Variants in CSMD3 observed in about 807,000 individuals in gnomAD.
CSMD3 encodes CUB and sushi domain-containing protein 3.
A neutral mutation model predicts 435.2 loss-of-function variants in CSMD3; 177 were observed. The ratio of observed to expected loss-of-function variants is 0.41; its 90% CI spans 0.36 to 0.46. The LOEUF (loss-of-function observed/expected upper bound fraction) is 0.46. Ranked by LOEUF, CSMD3 falls within the 20% of genes least tolerant of loss-of-function variation. The pLI, the probability that CSMD3 is intolerant of heterozygous loss-of-function variation, is 0.34. For missense variants in CSMD3, 4,265 were observed against 4,504.6 expected, an observed-to-expected ratio of 0.95 and a Z score of 1.52; for synonymous variants, 1,656 against 1,520.5, an observed-to-expected ratio of 1.09 and a Z score of -2.07.
At chr8:112,836,815 A>T (rs758610126) in intron 11 of CSMD3, among the ~76,000 whole-genome samples, 3 of 151,782 alleles carry the variant, frequency 2.0e-5, no homozygotes, top group African/African-American at 7.2e-5. Flanking sequence ...AACTGAAGAC[A>T]TTCCAATGAA....
intron 5 of CSMD3, among the ~76,000 whole-genome samples, chr8:113,060,264 G>C (rs571762656): frequency 7.0e-6 from 1 of 143,424 alleles, no homozygotes; most frequent in Non-Finnish European, 1.5e-5. Context: ...TTGTTCTTGC[G>C]ATAGTTTACT....
At chr8:113,265,662 T>C (rs1487688781) in intron 3 of CSMD3, among the ~76,000 whole-genome samples, 2 of 151,668 alleles carry the variant, frequency 1.3e-5, no homozygotes, top group Non-Finnish European at 3.0e-5. Context: ...ATATTCATTG[T>C]AAGTTTCTTT....
chr8:112,601,957 G>T (rs1832388387), intron 22 of CSMD3, among the ~76,000 whole-genome samples: 1 of 152,108 alleles, frequency 6.6e-6, no homozygotes, highest in East Asian at 1.9e-4. Flanking sequence ...CAAGTTTCAG[G>T]TTAAGCATAA....
intron 22 of CSMD3, among the ~76,000 whole-genome samples, chr8:112,623,664 C>A (rs560036553): frequency 7.6e-6 from 1 of 131,740 alleles, no homozygotes; most frequent in Non-Finnish European, 1.6e-5. Flanking sequence ...ATCCCTCCCC[C>A]CTCCCTATTT....
intron 40 of CSMD3, among the ~76,000 whole-genome samples, chr8:112,350,348 T>C (rs1440350028): frequency 6.6e-6 from 1 of 151,382 alleles, no homozygotes; most frequent in Non-Finnish European, 1.5e-5. Flanking sequence ...CCATGTGTCT[T>C]AATTAGACTT....
At chr8:112,497,158 T>G (rs1009254253) in intron 30 of CSMD3, among the ~76,000 whole-genome samples, 3 of 151,230 alleles carry the variant, frequency 2.0e-5, no homozygotes, top group African/African-American at 7.3e-5. Flanking sequence ...AGATAAAAAT[T>G]GAAACAATTG....
intron 5 of CSMD3, among the ~76,000 whole-genome samples, chr8:113,092,014 C>T (rs1029570619): frequency 5.3e-5 from 8 of 151,960 alleles, no homozygotes; most frequent in African/African-American, 1.7e-4. Context: ...CTATTTTTGG[C>T]AATAAAGATC....
chr8:112,782,791 A>G (rs2078424876), intron 13 of CSMD3, among the ~76,000 whole-genome samples: 1 of 151,840 alleles, frequency 6.6e-6, no homozygotes, highest in Non-Finnish European at 1.5e-5. Context: ...GAGTGACATA[A>G]CATATTTAAA....
chr8:112,575,508 G>T (rs909652656), intron 23 of CSMD3, among the ~76,000 whole-genome samples: 4 of 152,012 alleles, frequency 2.6e-5, no homozygotes, highest in African/African-American at 9.7e-5. Context: ...ATTCACTCTT[G>T]AGAGTATTTG....
chr8:112,337,458 G>A, intron 43 of CSMD3, 85 bp downstream of exon 43: 2 of 1,008,900 alleles, frequency 2.0e-6, no homozygotes, highest in Non-Finnish European at 3.2e-6. Context: ...CATGCTATTG[G>A]AAGAGGAAGA....
At chr8:112,985,019 G>GATAGATAGATAT (rs1459155653) in intron 6 of CSMD3, among the ~76,000 whole-genome samples, 2 of 151,970 alleles carry the variant, frequency 1.3e-5, no homozygotes, top group African/African-American at 4.8e-5. Context: ...TAGATAGATA[G>GATAGATAGATAT]ATAGATAGAT....
chr8:112,605,658 GAA>G (rs56000297), intron 22 of CSMD3, among the ~76,000 whole-genome samples: 86,362 of 149,584 alleles, frequency 0.58, 25,426 homozygotes, highest in African/African-American at 0.69. Context: ...GGGCAAGGAT[GAA>G]AAAAAAAAAC....
At chr8:112,730,318 T>C (rs1554665233) in intron 13 of CSMD3, among the ~76,000 whole-genome samples, 1 of 152,250 alleles carries the variant, frequency 6.6e-6, no homozygotes, top group South Asian at 2.1e-4. Context: ...GGTCACTGAC[T>C]GAGAAGTCGC....
chr8:113,044,762 T>C (rs2087761001), intron 5 of CSMD3, among the ~76,000 whole-genome samples: 1 of 149,170 alleles, frequency 6.7e-6, no homozygotes, highest in African/African-American at 2.4e-5. Flanking sequence ...TATTTCATTT[T>C]CTCCAGTTTC....
chr8:113,088,538 G>T (rs1225951625), intron 5 of CSMD3, among the ~76,000 whole-genome samples: 2 of 151,460 alleles, frequency 1.3e-5, no homozygotes, highest in Admixed American at 6.6e-5. Context: ...CCATAAAAAA[G>T]GATAAGTTCA....
In CSMD3 at chr8:112,556,975, G is replaced by C. The variant is rs1447693005; in HGVS notation, c.4043-21C>G. 4.0e-6 allele frequency: 6 copies of C among 1,512,352 alleles called. 1 individual carries two copies. Among genetic ancestry groups the C allele is most frequent in the Middle Eastern group, 1.8e-4 (1 of 5,676 alleles). 93.7% of individuals were successfully genotyped at this position (1,512,352 alleles called of 1,614,324 possible). A position where few individuals can be genotyped will look rare whatever the true frequency, so the allele number is the denominator to read the frequency against. ...AAAACCTGGGACAAAAATATAAATT[G>C]ATTAAAGGCAAAATTTAGGAGGAGG... On this transcript the variant is annotated intron_variant, in intron 24 of 70. Coordinates refer to ENST00000297405, the MANE Select transcript of CSMD3 (RefSeq NM_198123.2).
chr8:113,008,331 G>T (rs1439813352), intron 6 of CSMD3, among the ~76,000 whole-genome samples: 1 of 151,734 alleles, frequency 6.6e-6, no homozygotes, highest in African/African-American at 2.4e-5. Flanking sequence ...GGAGAAAAAT[G>T]ACACTGTATC....
chr8:112,228,778 C>G lies in CSMD3; in HGVS notation c.10942G>C (p.Gly3648Arg). 1 of 1,590,606 alleles carries G rather than the reference C, an allele frequency of 6.3e-7. No individual in the cohort carries two copies. The highest frequency in any genetic ancestry group is 8.6e-7 in the Non-Finnish European group (1 of 1,159,474). The change falls in exon 70 of 71, where the codon GGA becomes CGA. Residue 3648 changes from glycine to arginine, a missense_variant. Around this residue, in one of 3 missense-constraint regions of CSMD3, gnomAD observed 3,255 missense variants for 3,380.2 expected, o/e 0.96. Coordinates refer to ENST00000297405, the MANE Select transcript of CSMD3 (RefSeq NM_198123.2). Reference protein sequence around the residue: ...PFFALIFAGFGFYLYKQRTAP... With the variant: ...PFFALIFAGFRFYLYKQRTAP... ...TACCTTTGTTTATAAAGATAAAATC[C>G]AAATCCTGCAAATATAAGTGCAAAA... is the stretch of plus-strand genomic sequence containing the variant.
intron 7 of CSMD3, among the ~76,000 whole-genome samples, chr8:112,969,542 T>C (rs1181275020): frequency 6.6e-6 from 1 of 152,008 alleles, no homozygotes; most frequent in African/African-American, 2.4e-5. Context: ...TGTGGCATAA[T>C]TGACTATACT....
Sources: gnomAD v4.1 joint callset for allele counts (sites outside exome capture counted in the v4.1 genomes callset) on GRCh38, gnomAD v4.1.1 for gene constraint, gnomAD v4.1.1 regional missense constraint, MANE v1.5 for transcripts, NCBI Gene and HGNC (gene_info 2026-07-23, HGNC 2026-07-21) for gene names.